KCNT2: variants seen among roughly 807,000 people sequenced by gnomAD.
KCNT2 encodes the protein potassium channel subfamily T member 2.
In KCNT2, 67 loss-of-function variants were observed where a neutral mutation model predicts 153.8. The ratio of observed to expected loss-of-function variants is 0.44; its 90% CI spans 0.36 to 0.53. The LOEUF is 0.53. Ranked by LOEUF, KCNT2 falls within the 20% of genes least tolerant of loss-of-function variation. The pLI is 0.00. For synonymous variants in KCNT2, 500 were observed against 458.8 expected (o/e 1.09, Z -1.15); for missense variants, 975 against 1,354.8 (o/e 0.72, Z 4.40).
chr1:196,340,569 A>C lies in KCNT2; in HGVS notation c.1555T>G (p.Phe519Val), dbSNP rs1665520790. 1 of 1,517,270 alleles carries C rather than the reference A, an allele frequency of 6.6e-7. No homozygotes were observed. The highest frequency in any genetic ancestry group is 1.4e-5 in the African/African-American group (1 of 71,098). 94.0% of individuals were successfully genotyped at this position (1,517,270 alleles called of 1,614,324 possible). Residue 519 changes from phenylalanine (F) to valine (V), a missense_variant and splice_region_variant, in exon 16 of 28, where the codon TTT (phenylalanine) becomes GTT (valine). Around this residue, in one of 6 missense-constraint regions of KCNT2, gnomAD observed 325 missense variants for 388.1 expected, o/e 0.84. Transcript: ENST00000294725. ...CTAACACCAATCAAGCAGACGCCAA[A>C]CCTTAATTTAAAAAAAAAGAGAGTT... ...TYASFHAHKK[F>V]GVCLIGVRRE...
At chr1:196,605,864 AG>A (rs1665258864) in intron 1 of KCNT2, among the ~76,000 whole-genome samples, 1 of 152,220 alleles carries the variant, frequency 6.6e-6, no homozygotes, top group Non-Finnish European at 1.5e-5. Context: ...AAACTATGCT[AG>A]GTGCTGTAAA....
chr1:196,392,845 CT>C (rs1670603632), intron 13 of KCNT2, among the ~76,000 whole-genome samples: 1 of 151,370 alleles, frequency 6.6e-6, no homozygotes, highest in African/African-American at 2.4e-5. Flanking sequence ...ACAATATTGT[CT>C]GTGACATTGC....
chr1:196,366,810 A>G (rs1668082568), intron 14 of KCNT2, among the ~76,000 whole-genome samples: 1 of 152,200 alleles, frequency 6.6e-6, no homozygotes, highest in Non-Finnish European at 1.5e-5. Context: ...CTGGTTTTTT[A>G]AGAACACCTG....
rs190910833 is a variant in KCNT2, at chr1:196,510,984, G to C, written c.96-18643C>G. Among the ~76,000 whole-genome samples, 20 of 152,252 alleles carry C rather than the reference G, an allele frequency of 1.3e-4. No individual in the cohort carries two copies. In the East Asian group the frequency reaches 3.5e-3, roughly 26 times the overall value. ...AGGAAATTGTTTTACCACAAACAAA[G>C]TTTTAAAAGTAATTCAAGATTCTGC... On this transcript the variant is annotated intron_variant, in intron 1 of 27. Coordinates refer to ENST00000294725, the MANE Select transcript of KCNT2 (RefSeq NM_198503.5).
intron 22 of KCNT2, among the ~76,000 whole-genome samples, chr1:196,287,022 G>A (rs976806296): frequency 5.9e-5 from 9 of 152,008 alleles, no homozygotes; most frequent in East Asian, 1.9e-4. Flanking sequence ...GTGGGTTCTC[G>A]TGGAAGGGAA....
At chr1:196,257,742 T>C (rs2147777697) in intron 26 of KCNT2, 3 of 984,440 alleles carry the variant, frequency 3.0e-6, no homozygotes, top group Non-Finnish European at 3.6e-6. Context: ...TTGAAGATTT[T>C]GTTTCTAAAC....
At chr1:196,440,386 A>G (rs1327934022) in intron 8 of KCNT2, among the ~76,000 whole-genome samples, 1 of 152,044 alleles carries the variant, frequency 6.6e-6, no homozygotes, top group Non-Finnish European at 1.5e-5. Context: ...GTTTTTTATC[A>G]AATGACATTT....
At chr1:196,593,026 C>T (rs1359565615) in intron 1 of KCNT2, among the ~76,000 whole-genome samples, 2 of 150,166 alleles carry the variant, frequency 1.3e-5, no homozygotes, top group African/African-American at 4.9e-5. Flanking sequence ...CACCCATCAC[C>T]CAAGTAGTAT....
chr1:196,503,206 T>C (rs1421418025), intron 1 of KCNT2, among the ~76,000 whole-genome samples: 1 of 151,506 alleles, frequency 6.6e-6, no homozygotes, highest in South Asian at 2.1e-4. Flanking sequence ...TATTTCCACG[T>C]TTTTCTTCTT....
intron 8 of KCNT2, among the ~76,000 whole-genome samples, chr1:196,433,284 A>C (rs1285321337): frequency 1.3e-5 from 2 of 152,104 alleles, no homozygotes; most frequent in Non-Finnish European, 2.9e-5. Flanking sequence ...TAATCATGGA[A>C]TACTACTCAG....
chr1:196,313,150 G>T (rs11806529), intron 21 of KCNT2, among the ~76,000 whole-genome samples: 4,662 of 151,738 alleles, frequency 0.031, 215 homozygotes, highest in African/African-American at 0.1. Flanking sequence ...AAGGGAAAAA[G>T]CCCTCAGGTG....
At chr1:196,260,269 C>G (rs575882382) in intron 25 of KCNT2, among the ~76,000 whole-genome samples, 1 of 151,840 alleles carries the variant, frequency 6.6e-6, no homozygotes, top group Admixed American at 6.6e-5. Flanking sequence ...ACTTATAATT[C>G]AAGTCACAAA....
chr1:196,390,169 T>C (rs538658490), intron 13 of KCNT2, among the ~76,000 whole-genome samples: 1 of 151,738 alleles, frequency 6.6e-6, no homozygotes, highest in African/African-American at 2.4e-5. Context: ...TATTTTGGCA[T>C]ATTTTTTTAT....
intron 13 of KCNT2, 58 bp downstream of exon 13, chr1:196,398,505 T>G (rs1671139386): frequency 1.4e-5 from 12 of 882,610 alleles, no homozygotes; most frequent in Non-Finnish European, 2.0e-5. Context: ...ACTTAACCCT[T>G]AAGCCACTAT....
At chr1:196,347,659 C>T (rs1462319937) in intron 14 of KCNT2, among the ~76,000 whole-genome samples, 1 of 152,142 alleles carries the variant, frequency 6.6e-6, no homozygotes, top group Non-Finnish European at 1.5e-5. Context: ...GAAAAATTGT[C>T]ATTACAAAGC....
At chr1:196,418,342 C>T (rs1235321770) in intron 12 of KCNT2, among the ~76,000 whole-genome samples, 1 of 151,842 alleles carries the variant, frequency 6.6e-6, no homozygotes, top group Non-Finnish European at 1.5e-5. Flanking sequence ...AATAAATAGA[C>T]AACAAACAAA....
At chr1:196,279,202 C>G (rs1306280928) in intron 25 of KCNT2, among the ~76,000 whole-genome samples, 1 of 152,124 alleles carries the variant, frequency 6.6e-6, no homozygotes, top group Admixed American at 6.5e-5. Context: ...TTCTCTTAAC[C>G]TTTAATTAAA....
intron 1 of KCNT2, among the ~76,000 whole-genome samples, chr1:196,502,021 G>A: frequency 6.6e-6 from 1 of 152,136 alleles, no homozygotes; most frequent in East Asian, 1.9e-4. Context: ...GGAAGCAGAG[G>A]CAGGAGAATT....
At position 196,428,212 on chromosome 1, in the gene KCNT2, G is replaced by A. The variant is rs1239037156; in HGVS notation, c.877C>T (p.Arg293Ter). The change falls in exon 10 of 28, where the codon CGA becomes TGA. Residue 293 changes from arginine (R) to a stop codon, truncating the protein, a stop_gained. Coordinates refer to ENST00000294725, the MANE Select transcript of KCNT2 (RefSeq NM_198503.5). LOFTEE classifies it high-confidence loss of function. ...ERQKSGGNYS[R>*]HRAQTEKHVV... ...TGCTTTTCAGTTTGAGCTCTATGTC[G>A]ACTATAGTTTCCTCCTGACTTTTGT... 3.7e-6 allele frequency: 6 copies of A among 1,612,382 alleles called. No individual in the cohort carries two copies. The highest frequency in any genetic ancestry group is 1.1e-5 in the South Asian group (1 of 91,026).
Sources: allele counts gnomAD v4.1 joint callset (sites outside exome capture counted in the v4.1 genomes callset), GRCh38; gene constraint gnomAD v4.1.1; regional missense constraint gnomAD v4.1.1; transcripts MANE v1.5; gene names NCBI Gene and HGNC (gene_info 2026-07-23, HGNC 2026-07-21).